The following SEMA5A variants were observed in gnomAD, a reference collection of about 807,000 sequenced individuals.
The protein encoded by SEMA5A is semaphorin-5A.
A neutral mutation model predicts 135.5 loss-of-function variants in SEMA5A; 55 were observed. That is an observed-to-expected ratio of 0.41 (90% CI 0.33 to 0.51). The LOEUF (loss-of-function observed/expected upper bound fraction) is 0.51, where lower values mean the gene tolerates loss of function less well. Ranked by LOEUF, SEMA5A falls within the 20% of genes least tolerant of loss-of-function variation. The pLI, the probability that SEMA5A is intolerant of heterozygous loss-of-function variation, is 0.37. For missense variants in SEMA5A, 1,290 were observed against 1,419.9 expected, an observed-to-expected ratio of 0.91 and a Z score of 1.47; for synonymous variants, 580 against 546.5, an observed-to-expected ratio of 1.06 and a Z score of -0.85.
At chr5:9,455,984 G>T (rs73742526) in intron 1 of SEMA5A, among the ~76,000 whole-genome samples, 3,840 of 152,292 alleles carry the variant, frequency 0.025, 150 homozygotes, top group African/African-American at 0.084. Flanking sequence ...AAAGCACTGA[G>T]AGGAGAAAGG....
intron 5 of SEMA5A, among the ~76,000 whole-genome samples, chr5:9,282,393 C>A (rs146292394): frequency 1.3e-5 from 2 of 152,180 alleles, no homozygotes; most frequent in East Asian, 1.9e-4. Context: ...TTTGTCTCTG[C>A]GGTTTTCAGT....
intron 11 of SEMA5A, among the ~76,000 whole-genome samples, chr5:9,163,331 C>T (rs1411755210): frequency 6.6e-6 from 1 of 151,870 alleles, no homozygotes; most frequent in East Asian, 1.9e-4. Context: ...AAAAATAAGC[C>T]CCTTAAATCA....
chr5:9,475,045 G>A (rs1189262681), intron 1 of SEMA5A, among the ~76,000 whole-genome samples: 2 of 152,232 alleles, frequency 1.3e-5, no homozygotes, highest in Non-Finnish European at 2.9e-5. Context: ...AGGTTCAAGT[G>A]ATTGTCCTGC....
intron 17 of SEMA5A, among the ~76,000 whole-genome samples, chr5:9,065,216 A>C (rs1055849972): frequency 6.6e-6 from 1 of 152,212 alleles, no homozygotes; most frequent in African/African-American, 2.4e-5. Flanking sequence ...ATGAGGAAGC[A>C]GGCTTGTAAA....
intron 5 of SEMA5A, among the ~76,000 whole-genome samples, chr5:9,263,467 T>A (rs1749514431): frequency 6.6e-6 from 1 of 152,204 alleles, no homozygotes; most frequent in African/African-American, 2.4e-5. Context: ...CTCTAGTGCC[T>A]GATAATCTGA....
chr5:9,235,329 T>A (rs1747843300), intron 6 of SEMA5A, among the ~76,000 whole-genome samples: 1 of 152,158 alleles, frequency 6.6e-6, no homozygotes, highest in South Asian at 2.1e-4. Context: ...AAGTGACAAA[T>A]AAATTTGCCA....
intron 5 of SEMA5A, among the ~76,000 whole-genome samples, chr5:9,241,714 A>G (rs1304702072): frequency 6.6e-6 from 1 of 152,136 alleles, no homozygotes; most frequent in Non-Finnish European, 1.5e-5. Context: ...GGATAAATGG[A>G]GCTGTGATCT....
At chr5:9,412,154 G>A (rs1001334975) in intron 2 of SEMA5A, among the ~76,000 whole-genome samples, 1 of 151,996 alleles carries the variant, frequency 6.6e-6, no homozygotes, top group Non-Finnish European at 1.5e-5. Flanking sequence ...CATGCAAAGT[G>A]TTCCCCGAAA....
At chr5:9,068,529 G>A (rs902516642) in intron 16 of SEMA5A, among the ~76,000 whole-genome samples, 3 of 152,158 alleles carry the variant, frequency 2.0e-5, no homozygotes, top group African/African-American at 4.8e-5. Context: ...AGTTAACTGA[G>A]CCCAGTGCTC....
At chr5:9,230,219 C>T (rs1561050358) in intron 6 of SEMA5A, among the ~76,000 whole-genome samples, 2 of 134,046 alleles carry the variant, frequency 1.5e-5, no homozygotes, top group Admixed American at 9.0e-5. Flanking sequence ...AGGCTGGTCT[C>T]GAATTCCTGG....
intron 4 of SEMA5A, among the ~76,000 whole-genome samples, chr5:9,334,961 T>TA (rs1461627638): frequency 2.0e-5 from 3 of 152,150 alleles, no homozygotes; most frequent in Admixed American, 6.5e-5. Context: ...ACCATGTTGA[T>TA]ATGCAATGGA....
intron 1 of SEMA5A, chr5:9,498,540 T>G (rs190259937): frequency 6.6e-6 from 1 of 152,258 alleles, no homozygotes; most frequent in Non-Finnish European, 1.5e-5. Flanking sequence ...GGATGCTACG[T>G]GGAAGGTGGT....
intron 12 of SEMA5A, among the ~76,000 whole-genome samples, chr5:9,154,055 AAAAAAAAAT>A (rs1205598517): frequency 2.1e-5 from 1 of 46,864 alleles, no homozygotes; most frequent in African/African-American, 5.0e-5. Context: ...CAAAAAAAAA[AAAAAAAAAT>A]ATATATATAT....
intron 4 of SEMA5A, among the ~76,000 whole-genome samples, chr5:9,337,377 T>C (rs1384283974): frequency 6.6e-6 from 1 of 152,172 alleles, no homozygotes; most frequent in Non-Finnish European, 1.5e-5. Context: ...CCCGGACAAC[T>C]TATTTATCTA....
chr5:9,542,213 C>G (rs1241578836), intron 1 of SEMA5A, among the ~76,000 whole-genome samples: 1 of 152,218 alleles, frequency 6.6e-6, no homozygotes, highest in Non-Finnish European at 1.5e-5. Flanking sequence ...ATCTCACCTG[C>G]TGAATTTATC....
chr5:9,318,467 G>C, intron 4 of SEMA5A, 50 bp from the exon 5 acceptor site: 1 of 1,449,264 alleles, frequency 6.9e-7, no homozygotes, highest in Non-Finnish European at 9.4e-7. Flanking sequence ...ATCACAGAAA[G>C]TTAAGAGTTT....
At chr5:9,087,635 A>G (rs1011046495) in intron 16 of SEMA5A, among the ~76,000 whole-genome samples, 14 of 152,134 alleles carry the variant, frequency 9.2e-5, no homozygotes, top group African/African-American at 3.1e-4. Flanking sequence ...CCTTATCACT[A>G]TAAACACACA....
At chr5:9,072,471 G>T (rs186449058) in intron 16 of SEMA5A, among the ~76,000 whole-genome samples, 26 of 152,276 alleles carry the variant, frequency 1.7e-4, no homozygotes, top group Admixed American at 1.6e-3. Context: ...TAAAAAATCA[G>T]CAAGTTCATG....
Position 9,221,459 on chromosome 5 carries a change from C to T in SEMA5A, c.646+3215G>A, listed in dbSNP as rs374804553. Among the ~76,000 whole-genome samples, 137 of 151,808 alleles carry T rather than the reference C, an allele frequency of 9.0e-4. 2 individuals are homozygous for T. In the South Asian group the frequency reaches 0.02, roughly 22 times the overall value. ...CTGGGACTACAGGCGCCCACCACCACGCCCGGCTAATTTTTTCTATTTTTA... is the reference window on the plus strand; with the variant it reads ...CTGGGACTACAGGCGCCCACCACCATGCCCGGCTAATTTTTTCTATTTTTA... On this transcript the variant is annotated intron_variant, in intron 8 of 22. Coordinates refer to ENST00000382496, the MANE Select transcript of SEMA5A (RefSeq NM_003966.3).
Sources: allele counts gnomAD v4.1 joint callset (sites outside exome capture counted in the v4.1 genomes callset), GRCh38; gene constraint gnomAD v4.1.1; transcripts MANE v1.5; gene names NCBI Gene and HGNC (gene_info 2026-07-23, HGNC 2026-07-21).